The following ZNF729 variants were observed in gnomAD, a reference collection of about 807,000 sequenced individuals.
ZNF729 encodes the protein zinc finger protein 729.
In ZNF729, 15 loss-of-function variants were observed where a neutral mutation model predicts 12.2. The ratio of observed to expected loss-of-function variants is 1.23; its 90% CI spans 0.82 to 1.89. The LOEUF (loss-of-function observed/expected upper bound fraction) is 1.89. Among genes scored for constraint, ZNF729 ranks in the 40% most tolerant of loss-of-function variants. The probability of loss-of-function intolerance (pLI) is 0.00; values close to 1 mark genes in which losing one functional copy is unlikely to be tolerated. For missense variants in ZNF729, 1,540 were observed against 1,456.7 expected (o/e 1.06, Z -0.93); for synonymous variants, 492 against 476.3 (o/e 1.03, Z -0.43).
At chr19:22,300,219 C>T (rs1461064649) in intron 1 of ZNF729, among the ~76,000 whole-genome samples, 1 of 152,162 alleles carries the variant, frequency 6.6e-6, no homozygotes, top group Non-Finnish European at 1.5e-5. Context: ...CATGGCTAGC[C>T]TTCCCAATTA....
chr19:22,314,405 A>C lies in ZNF729; in HGVS notation c.988A>C (p.Asn330His), dbSNP rs1968493283. 2 of 1,591,338 alleles carry C rather than the reference A, an allele frequency of 1.3e-6. No individual in the cohort carries two copies. The highest frequency in any genetic ancestry group is 1.7e-5 in the Admixed American group (1 of 57,752). The change falls in exon 4 of 4, where the codon AAC becomes CAC. Residue 330 changes from asparagine (N) to histidine (H), a missense_variant. Physicochemically the swap from Asn to His is moderately conservative, Grantham distance 68 (BLOSUM62 1). Coordinates refer to ENST00000601693, the MANE Select transcript of ZNF729 (RefSeq NM_001242680.2). ...YKCEDCGKTF[N>H]HFSALRKHKI... ...ATGTGAAGATTGTGGCAAAACTTTT[A>C]ACCATTTCTCAGCCCTTAGAAAACA... is the stretch of plus-strand genomic sequence containing the variant.
intron 1 of ZNF729, among the ~76,000 whole-genome samples, chr19:22,302,298 G>A (rs1044860969): frequency 6.6e-6 from 1 of 152,310 alleles, no homozygotes; most frequent in Non-Finnish European, 1.5e-5. Flanking sequence ...CTACCACCCA[G>A]GAACTTATAG....
At position 22,288,424 on chromosome 19, in the gene ZNF729, T is replaced by C. The variant is rs758610232; in HGVS notation, c.30+1869T>C. On this transcript the variant is annotated intron_variant, in intron 1 of 3. Coordinates refer to ENST00000601693, the MANE Select transcript of ZNF729 (RefSeq NM_001242680.2). ...GATGTGTTTTCAGCCATTCTTCAGA[T>C]TTTTTTCCTGGTCCTGGGTTTCAGT... 2.6e-4 allele frequency among the ~76,000 whole-genome samples: 40 copies of C among 152,166 alleles called. 2 individuals are homozygous for C. The Middle Eastern group carries it at 0.031, about 116-fold the overall frequency.
chr19:22,311,259 T>C (rs907028584), intron 3 of ZNF729, among the ~76,000 whole-genome samples: 4 of 152,120 alleles, frequency 2.6e-5, no homozygotes, highest in African/African-American at 7.2e-5. Context: ...TTTTCTTGTT[T>C]CTCTAGTTCT....
intron 1 of ZNF729, among the ~76,000 whole-genome samples, chr19:22,288,612 C>T (rs1424810092): frequency 6.6e-6 from 1 of 152,126 alleles, no homozygotes; most frequent in Non-Finnish European, 1.5e-5. Flanking sequence ...AATCTCCTGG[C>T]ATACTCTTCC....
intron 3 of ZNF729, among the ~76,000 whole-genome samples, chr19:22,307,316 ATTTTTTTTTTT>A (rs35650592): frequency 1.0e-5 from 1 of 95,300 alleles, no homozygotes; most frequent in Non-Finnish European, 2.1e-5. Context: ...ACAATGTAGC[ATTTTTTTTTTT>A]TTTTTTTTTT....
At chr19:22,289,551 A>G (rs1294106538) in intron 1 of ZNF729, among the ~76,000 whole-genome samples, 1 of 152,086 alleles carries the variant, frequency 6.6e-6, no homozygotes, top group Non-Finnish European at 1.5e-5. Flanking sequence ...CTTTTCTCAG[A>G]ATGAGTTTAG....
chr19:22,305,364 AC>A (rs535479270), intron 3 of ZNF729, among the ~76,000 whole-genome samples: 338 of 152,178 alleles, frequency 2.2e-3, no homozygotes, highest in South Asian at 3.9e-3. Flanking sequence ...AATGTTACCT[AC>A]ATTTTGTTTT....
chr19:22,308,945 T>G (rs1968417615), intron 3 of ZNF729, among the ~76,000 whole-genome samples: 1 of 152,222 alleles, frequency 6.6e-6, no homozygotes, highest in South Asian at 2.1e-4. Flanking sequence ...TTTATTGCAT[T>G]TGCTTTTGGG....
intron 1 of ZNF729, among the ~76,000 whole-genome samples, chr19:22,295,089 T>C (rs12327815): frequency 0.032 from 4,669 of 145,766 alleles, 243 homozygotes; most frequent in African/African-American, 0.11. Context: ...GTGAAGGGGA[T>C]TGTGTTTTTG....
At chr19:22,312,193 A>AATTAATTT (rs1445986007) in intron 3 of ZNF729, among the ~76,000 whole-genome samples, 1 of 152,076 alleles carries the variant, frequency 6.6e-6, no homozygotes, top group Non-Finnish European at 1.5e-5. Flanking sequence ...AAATTTTAAA[A>AATTAATTT]ATTAATTTAT....
rs1310511504 is a variant in ZNF729 at position 22,313,821 on chromosome 19, A to G, written c.404A>G (p.His135Arg). 1.3e-6 allele frequency: 2 copies of G among 1,589,710 alleles called. No individual in the cohort carries two copies. Among genetic ancestry groups the G allele is most frequent in the South Asian group, 1.1e-5 (1 of 88,280 alleles). ...DCKSANEGKM[H>R]KEGYNKLNQC... ...AAAAGTGCCAATGAGGGTAAGATGC[A>G]CAAAGAAGGTTATAATAAACTTAAC... The change falls in exon 4 of 4, where the codon CAC (histidine) becomes CGC (arginine). Residue 135 changes from histidine to arginine, a missense_variant. His to Arg is a conservative substitution (Grantham distance 29). Transcript: ENST00000601693.
intron 3 of ZNF729, among the ~76,000 whole-genome samples, chr19:22,309,786 A>C (rs1184795011): frequency 6.6e-6 from 1 of 151,594 alleles, no homozygotes; most frequent in Non-Finnish European, 1.5e-5. Flanking sequence ...GAGTTTGTAG[A>C]TTGCTTTTGG....
chr19:22,294,649 T>C (rs1357352002), intron 1 of ZNF729, among the ~76,000 whole-genome samples: 2 of 148,738 alleles, frequency 1.3e-5, no homozygotes, highest in Non-Finnish European at 3.0e-5. Flanking sequence ...TTTTTTTTTT[T>C]TCTTTTTCTT....
intron 1 of ZNF729, among the ~76,000 whole-genome samples, chr19:22,287,407 C>G (rs866394590): frequency 6.6e-6 from 1 of 151,954 alleles, no homozygotes; most frequent in African/African-American, 2.4e-5. Flanking sequence ...GCTGGGATTA[C>G]AGGCATGTGC....
rs113278147 is a variant in ZNF729 at position 22,289,647 on chromosome 19, T to A, written c.30+3092T>A. ...TTTAGAATGCTACCAGGGAAAAAAA[T>A]AGGAAAAATCTCTCTTCCATTTTGG... On this transcript the variant is annotated intron_variant, in intron 1 of 3. Coordinates refer to ENST00000601693, the MANE Select transcript of ZNF729 (RefSeq NM_001242680.2). Among the ~76,000 whole-genome samples, 455 of 152,210 alleles carry A rather than the reference T, an allele frequency of 3.0e-3. 4 individuals carry two copies. Among genetic ancestry groups the A allele is most frequent in the African/African-American group, 0.011 (443 of 41,540 alleles).
intron 1 of ZNF729, among the ~76,000 whole-genome samples, chr19:22,292,287 G>C (rs111433123): frequency 0.022 from 3,346 of 152,158 alleles, 109 homozygotes; most frequent in African/African-American, 0.077. Context: ...ATGAGAACAT[G>C]CATTTGGTTT....
At chr19:22,287,853 T>TG in intron 1 of ZNF729, among the ~76,000 whole-genome samples, 1 of 151,574 alleles carries the variant, frequency 6.6e-6, no homozygotes, top group Non-Finnish European at 1.5e-5. Context: ...TTGTCCTTTT[T>TG]TTTTTTTTTT....
chr19:22,289,517 G>T (rs1368693281), intron 1 of ZNF729, among the ~76,000 whole-genome samples: 1 of 152,088 alleles, frequency 6.6e-6, no homozygotes, highest in African/African-American at 2.4e-5. Flanking sequence ...GAGCCACTGC[G>T]CCCGGCAAAA....
Sources: allele counts gnomAD v4.1 joint callset (sites outside exome capture counted in the v4.1 genomes callset), GRCh38; gene constraint gnomAD v4.1.1; transcripts MANE v1.5; gene names NCBI Gene and HGNC (gene_info 2026-07-23, HGNC 2026-07-21).